The following RERE variants were observed in gnomAD, a reference collection of about 807,000 sequenced individuals.
RERE encodes arginine-glutamic acid dipeptide repeats protein.
RERE carries 40 observed loss-of-function variants against 146.1 expected under a neutral mutation model. The ratio of observed to expected loss-of-function variants is 0.27; its 90% CI spans 0.21 to 0.36. RERE has a LOEUF of 0.36. Among genes scored for constraint, RERE ranks in the 10% least tolerant of loss-of-function variants. The pLI, the probability that RERE is intolerant of heterozygous loss-of-function variation, is 1.00. For missense variants in RERE, 1,933 were observed against 2,138.7 expected, an observed-to-expected ratio of 0.90 and a Z score of 1.90; for synonymous variants, 1,003 against 866.0, an observed-to-expected ratio of 1.16 and a Z score of -2.78.
chr1:8,734,044 T>C (rs1640146852), intron 1 of RERE, among the ~76,000 whole-genome samples: 1 of 152,082 alleles, frequency 6.6e-6, no homozygotes, highest in Non-Finnish European at 1.5e-5. Flanking sequence ...GAGGTGGAGG[T>C]TGCAGTCAGC....
At chr1:8,366,415 A>G (rs1641805572) in intron 12 of RERE, among the ~76,000 whole-genome samples, 1 of 152,206 alleles carries the variant, frequency 6.6e-6, no homozygotes, top group Non-Finnish European at 1.5e-5. Context: ...TGCCAGTGAA[A>G]TCACACAGGT....
chr1:8,607,263 G>T (rs1271500594), intron 4 of RERE, among the ~76,000 whole-genome samples: 2 of 151,768 alleles, frequency 1.3e-5, no homozygotes, highest in East Asian at 3.9e-4. Context: ...AGGAGGCTGA[G>T]GTAGGAGGAT....
intron 6 of RERE, among the ~76,000 whole-genome samples, chr1:8,543,653 G>C (rs1645825192): frequency 6.6e-6 from 1 of 152,164 alleles, no homozygotes. Flanking sequence ...TTTATTGTCA[G>C]AGGCTGTCCT....
At position 8,789,301 on chromosome 1, in the gene RERE, A is replaced by AAAAAAAAAAAAT; in HGVS notation, c.-145+27858_-145+27859insATTTTTTTTTTT. On this transcript the variant is annotated intron_variant, in intron 1 of 22. Transcript: ENST00000400908. ...CTCTACCAAAAAAAAAAAAAAAAAAAATATATATATATATATATATATATG... is the reference window on the plus strand; with the variant it reads ...CTCTACCAAAAAAAAAAAAAAAAAAAAAAAAAAAAAATATATATATATATATATATATATATG... Among the ~76,000 whole-genome samples the AAAAAAAAAAAAT allele has an allele frequency of 1.8e-3, 44 of 24,814 alleles. 5 individuals are homozygous for AAAAAAAAAAAAT. Among genetic ancestry groups the AAAAAAAAAAAAT allele is most frequent in the South Asian group, 2.8e-3 (2 of 702 alleles). 16.3% of individuals were successfully genotyped at this position (24,814 alleles called of 152,430 possible). A position where few individuals can be genotyped will look rare whatever the true frequency, so the allele number is the denominator to read the frequency against.
chr1:8,366,927 AACAAAAAAAAAAAAC>A lies in RERE; in HGVS notation c.1285-968_1285-954del, dbSNP rs1557592107. Among the ~76,000 whole-genome samples, 7 of 144,370 alleles carry A rather than the reference AACAAAAAAAAAAAAC, an allele frequency of 4.8e-5. No homozygotes were observed. In the South Asian group the frequency reaches 1.3e-3, roughly 27 times the overall value. 94.7% of individuals were successfully genotyped at this position (144,370 alleles called of 152,430 possible). ...CTGAAAAAAAAAAACAAAAAAAAAA[AACAAAAAAAAAAAAC>A]CCAAAAAACAAACACAGCCAAGTGA... On this transcript the variant is annotated intron_variant, in intron 12 of 22. Transcript: ENST00000400908.
intron 17 of RERE, 81 bp downstream of exon 17, chr1:8,361,682 C>A: frequency 7.2e-7 from 1 of 1,394,616 alleles, no homozygotes; most frequent in Non-Finnish European, 1.0e-6. Flanking sequence ...CAGGGCACGG[C>A]CACCAACTAG....
chr1:8,547,554 A>G (rs568006565), intron 6 of RERE, among the ~76,000 whole-genome samples: 1 of 152,374 alleles, frequency 6.6e-6, no homozygotes, highest in South Asian at 2.1e-4. Context: ...AGTAAAACAA[A>G]AAGAAAACCC....
intron 7 of RERE, among the ~76,000 whole-genome samples, chr1:8,518,360 T>C (rs1314610913): frequency 5.9e-5 from 9 of 152,224 alleles, no homozygotes; most frequent in African/African-American, 1.9e-4. Context: ...CCTTGTTCTG[T>C]GGCTGGCGTC....
At chr1:8,734,770 T>C (rs1273522287) in intron 1 of RERE, among the ~76,000 whole-genome samples, 4 of 152,220 alleles carry the variant, frequency 2.6e-5, no homozygotes, top group African/African-American at 9.7e-5. Flanking sequence ...TTTCAAGCCA[T>C]TATGAACTAC....
intron 6 of RERE, among the ~76,000 whole-genome samples, chr1:8,545,647 A>G (rs993668184): frequency 1.1e-4 from 16 of 151,222 alleles, no homozygotes; most frequent in Non-Finnish European, 2.4e-4. Flanking sequence ...AGAATAAAAA[A>G]TTATTAATAA....
chr1:8,499,365 C>T (rs1036837017), intron 8 of RERE, among the ~76,000 whole-genome samples: 12 of 152,144 alleles, frequency 7.9e-5, no homozygotes, highest in African/African-American at 2.7e-4. Flanking sequence ...AGCCATATTC[C>T]AAGTGCTGAA....
intron 1 of RERE, among the ~76,000 whole-genome samples, chr1:8,805,193 T>C (rs1353104903): frequency 2.0e-5 from 3 of 151,858 alleles, no homozygotes; most frequent in East Asian, 3.9e-4. Flanking sequence ...GAATACATAG[T>C]TTAAACTTAC....
intron 1 of RERE, among the ~76,000 whole-genome samples, chr1:8,782,625 G>A (rs1203276197): frequency 1.3e-5 from 2 of 152,162 alleles, no homozygotes; most frequent in Admixed American, 6.5e-5. Context: ...AGCTCAAGAG[G>A]CCAGGCGCGG....
At chr1:8,471,092 C>T (rs971495826) in intron 10 of RERE, among the ~76,000 whole-genome samples, 1 of 152,044 alleles carries the variant, frequency 6.6e-6, no homozygotes, top group South Asian at 2.1e-4. Flanking sequence ...GTTGGGATTA[C>T]AGGTGTCAGC....
At chr1:8,420,086 G>C (rs1351888123) in intron 12 of RERE, among the ~76,000 whole-genome samples, 1 of 152,192 alleles carries the variant, frequency 6.6e-6, no homozygotes, top group Admixed American at 6.5e-5. Flanking sequence ...GCCCAATCAG[G>C]CATGTTCTTT....
Position 8,656,102 on chromosome 1 carries a change from C to T in RERE, c.196G>A (p.Ala66Thr). ...SEDEDNDNNS[A>T]TAEESTKKNK... ...TTCTTCGTGGACTCCTCTGCGGTGG[C>T]ACTATTGTTGTCATTGTCCTCGTCT... Residue 66 changes from alanine (A) to threonine (T), a missense_variant, in exon 2 of 23, where the codon GCC (alanine) becomes ACC (threonine). Ala to Thr is a moderately conservative substitution (Grantham distance 58). Around this residue, in one of 11 missense-constraint regions of RERE, gnomAD observed 107 missense variants for 119.7 expected, o/e 0.89. Transcript: ENST00000400908. 2.5e-6 allele frequency: 4 copies of T among 1,614,062 alleles called. No homozygotes were observed. Among genetic ancestry groups the T allele is most frequent in the South Asian group, 1.1e-5 (1 of 91,062 alleles).
intron 1 of RERE, among the ~76,000 whole-genome samples, chr1:8,751,355 T>A (rs1640530902): frequency 6.6e-6 from 1 of 152,164 alleles, no homozygotes; most frequent in African/African-American, 2.4e-5. Flanking sequence ...ACTCTATGAG[T>A]CTAATATCTC....
chr1:8,541,582 G>A (rs1401455171), intron 6 of RERE, among the ~76,000 whole-genome samples: 1 of 152,098 alleles, frequency 6.6e-6, no homozygotes, highest in Non-Finnish European at 1.5e-5. Context: ...ACAGGACTAT[G>A]AGAAAGAATA....
intron 8 of RERE, among the ~76,000 whole-genome samples, chr1:8,503,245 C>A (rs189223591): frequency 6.6e-6 from 1 of 151,974 alleles, no homozygotes; most frequent in Admixed American, 6.6e-5. Context: ...CATAAAGCCA[C>A]GAAAAAAATT....
Sources: allele counts gnomAD v4.1 joint callset (sites outside exome capture counted in the v4.1 genomes callset), GRCh38; gene constraint gnomAD v4.1.1; regional missense constraint gnomAD v4.1.1; transcripts MANE v1.5; gene names NCBI Gene and HGNC (gene_info 2026-07-23, HGNC 2026-07-21).